CCDC91: variants seen among roughly 807,000 people sequenced by gnomAD.
The protein encoded by CCDC91 is coiled-coil domain containing 91.
CCDC91 carries 48 observed loss-of-function variants against 63.2 expected under a neutral mutation model. The observed-to-expected ratio is 0.76, with a 90% confidence interval of 0.60 to 0.97. The LOEUF (loss-of-function observed/expected upper bound fraction) is 0.97. Ranked by LOEUF, CCDC91 falls within the 50% of genes least tolerant of loss-of-function variation. The probability of loss-of-function intolerance (pLI) is 0.00; values close to 1 mark genes in which losing one functional copy is unlikely to be tolerated. For missense variants in CCDC91, 500 were observed against 494.6 expected, an observed-to-expected ratio of 1.01 and a Z score of -0.10; for synonymous variants, 167 against 165.8, an observed-to-expected ratio of 1.01 and a Z score of -0.06.
intron 1 of CCDC91, among the ~76,000 whole-genome samples, chr12:28,244,031 G>C (rs1945534141): frequency 6.6e-6 from 1 of 152,154 alleles, no homozygotes; most frequent in African/African-American, 2.4e-5. Context: ...CAGGACAGTA[G>C]CAAATTGAAA....
chr12:28,376,612 G>T (rs1362671932), intron 7 of CCDC91, among the ~76,000 whole-genome samples: 4 of 151,870 alleles, frequency 2.6e-5, no homozygotes, highest in Non-Finnish European at 4.4e-5. Context: ...AAAAATACAG[G>T]CATATTTGCT....
At chr12:28,540,276 C>T (rs1047782101) in intron 12 of CCDC91, among the ~76,000 whole-genome samples, 1 of 151,996 alleles carries the variant, frequency 6.6e-6, no homozygotes, top group Non-Finnish European at 1.5e-5. Flanking sequence ...ATTTAATGTG[C>T]CAGGCTTTTT....
At chr12:28,341,113 G>A (rs770071151) in intron 6 of CCDC91, among the ~76,000 whole-genome samples, 4 of 152,166 alleles carry the variant, frequency 2.6e-5, no homozygotes, top group Non-Finnish European at 5.9e-5. Context: ...GTCTGTCGGT[G>A]TGCTTTTCCA....
intron 1 of CCDC91, among the ~76,000 whole-genome samples, chr12:28,194,246 T>C (rs1221830467): frequency 2.0e-5 from 3 of 152,300 alleles, no homozygotes; most frequent in Admixed American, 6.5e-5. Flanking sequence ...GTCAAGACTC[T>C]CTCTCTCTCT....
intron 1 of CCDC91, among the ~76,000 whole-genome samples, chr12:28,216,881 C>T (rs377143060): frequency 6.6e-6 from 1 of 152,122 alleles, no homozygotes; most frequent in East Asian, 1.9e-4. Context: ...CAGGGAATCA[C>T]TTGTAATGAT....
At chr12:28,314,411 A>G (rs1488890879) in intron 6 of CCDC91, among the ~76,000 whole-genome samples, 1 of 152,054 alleles carries the variant, frequency 6.6e-6, no homozygotes, top group Non-Finnish European at 1.5e-5. Flanking sequence ...GCAAGAGGCT[A>G]CTATAATAAT....
chr12:28,242,504 G>GAAA (rs1565660325), intron 1 of CCDC91, among the ~76,000 whole-genome samples: 1 of 152,086 alleles, frequency 6.6e-6, no homozygotes, highest in Non-Finnish European at 1.5e-5. Flanking sequence ...AGAAAAGAGG[G>GAAA]CAGCATGTTT....
chr12:28,519,709 TC>T (rs1157874619), intron 12 of CCDC91, among the ~76,000 whole-genome samples: 2 of 126,756 alleles, frequency 1.6e-5, no homozygotes, highest in African/African-American at 6.0e-5. Context: ...CCTAATGCTA[TC>T]CCTCCCCCCT....
intron 7 of CCDC91, among the ~76,000 whole-genome samples, chr12:28,365,347 G>T (rs1944205261): frequency 6.6e-6 from 1 of 152,096 alleles, no homozygotes; most frequent in African/African-American, 2.4e-5. Flanking sequence ...TTGCAGCGAA[G>T]AAAATATTGT....
chr12:28,414,846 A>G (rs1360013919), intron 8 of CCDC91, among the ~76,000 whole-genome samples: 1 of 152,208 alleles, frequency 6.6e-6, no homozygotes, highest in Non-Finnish European at 1.5e-5. Flanking sequence ...AAGTAGAAGT[A>G]AAACAAATGA....
At chr12:28,394,234 C>A (rs545241671) in intron 8 of CCDC91, among the ~76,000 whole-genome samples, 5 of 152,130 alleles carry the variant, frequency 3.3e-5, no homozygotes, top group South Asian at 4.1e-4. Context: ...TGGGAGGCCA[C>A]GGCGGGCCGA....
chr12:28,333,147 G>T (rs533831831), intron 6 of CCDC91, among the ~76,000 whole-genome samples: 1 of 152,096 alleles, frequency 6.6e-6, no homozygotes, highest in East Asian at 1.9e-4. Flanking sequence ...TGTAATTGCA[G>T]CACTTTGGGA....
chr12:28,530,524 T>G (rs2141608396), intron 12 of CCDC91, among the ~76,000 whole-genome samples: 1 of 152,322 alleles, frequency 6.6e-6, no homozygotes, highest in South Asian at 2.1e-4. Flanking sequence ...AGTAATTATT[T>G]TATACCATTG....
chr12:28,227,599 A>C (rs1944351387), intron 1 of CCDC91, among the ~76,000 whole-genome samples: 1 of 152,034 alleles, frequency 6.6e-6, no homozygotes, highest in East Asian at 1.9e-4. Flanking sequence ...TTTTGTACCC[A>C]AACTTGCTTT....
chr12:28,391,061 A>G (rs1289525257), intron 7 of CCDC91, among the ~76,000 whole-genome samples: 1 of 151,570 alleles, frequency 6.6e-6, no homozygotes, highest in African/African-American at 2.4e-5. Flanking sequence ...GGCCTTTTTA[A>G]GGAGAAGATG....
At chr12:28,475,360 A>G (rs577637366) in intron 11 of CCDC91, among the ~76,000 whole-genome samples, 3 of 152,244 alleles carry the variant, frequency 2.0e-5, no homozygotes, top group South Asian at 4.1e-4. Flanking sequence ...CTTCATAAGT[A>G]GCTGTTAGAG....
In CCDC91 at chr12:28,363,626, G is replaced by A. The variant is rs1333313470; in HGVS notation, c.654+1111G>A. On this transcript the variant is annotated intron_variant, in intron 7 of 12. Coordinates refer to ENST00000536442, the MANE Select transcript of CCDC91 (RefSeq NM_018318.5). ...GGGCCGGGCATGGTGGCTCACGCCT[G>A]TAATCCCAGCACTTCGGGAGGCCGA... is the stretch of plus-strand genomic sequence containing the variant. Among the ~76,000 whole-genome samples the A allele has an allele frequency of 3.9e-5, 6 of 152,274 alleles. 1 individual carries two copies. The highest frequency in any genetic ancestry group is 2.9e-5 in the Non-Finnish European group (2 of 68,010).
At chr12:28,535,014 A>AT (rs1364054278) in intron 12 of CCDC91, among the ~76,000 whole-genome samples, 1 of 152,228 alleles carries the variant, frequency 6.6e-6, no homozygotes. Flanking sequence ...TGAAGAAATA[A>AT]AGAGCTATAA....
chr12:28,231,638 T>C (rs924290346), intron 1 of CCDC91, among the ~76,000 whole-genome samples: 5 of 151,910 alleles, frequency 3.3e-5, no homozygotes, highest in Admixed American at 3.3e-4. Flanking sequence ...TAACTGTACT[T>C]AAATGAAGAT....
Sources: gnomAD v4.1 joint callset for allele counts (sites outside exome capture counted in the v4.1 genomes callset) on GRCh38, gnomAD v4.1.1 for gene constraint, MANE v1.5 for transcripts, NCBI Gene and HGNC (gene_info 2026-07-23, HGNC 2026-07-21) for gene names.